CEP89: variants seen among roughly 807,000 people sequenced by gnomAD.
CEP89 encodes centrosomal protein 89, also known as centrosomal protein of 89 kDa.
In CEP89, 95 loss-of-function variants were observed where a neutral mutation model predicts 97.6. The ratio of observed to expected loss-of-function variants is 0.97; its 90% CI spans 0.82 to 1.15. CEP89 has a LOEUF of 1.15. Among genes scored for constraint, CEP89 ranks in the 50% most tolerant of loss-of-function variants. The probability of loss-of-function intolerance (pLI) is 0.00; values close to 1 mark genes in which losing one functional copy is unlikely to be tolerated. For synonymous variants in CEP89, 354 were observed against 349.1 expected (o/e 1.01, Z -0.16); for missense variants, 869 against 947.7 (o/e 0.92, Z 1.09).
intron 13 of CEP89, 93 bp downstream of exon 13, chr19:32,918,131 T>A: frequency 9.6e-7 from 1 of 1,041,556 alleles, no homozygotes; most frequent in South Asian, 1.4e-5. Flanking sequence ...CTTCTCTCAT[T>A]TTCAACTGGG....
Position 32,933,624 on chromosome 19 carries a change from T to G in CEP89, c.713A>C (p.Glu238Ala). The G allele has an allele frequency of 6.2e-7, 1 of 1,613,464 alleles. No homozygotes were observed. The highest frequency in any genetic ancestry group is 8.5e-7 in the Non-Finnish European group (1 of 1,179,378). Residue 238 changes from glutamate (E) to alanine (A), a missense_variant, in exon 8 of 19, where the codon GAA becomes GCA. Physicochemically the swap from Glu to Ala is moderately radical, Grantham distance 107. Coordinates refer to ENST00000305768, the MANE Select transcript of CEP89 (RefSeq NM_032816.5). ...ARQRYTEITREKFEALKEENM... is the reference protein window; with the variant it reads ...ARQRYTEITRAKFEALKEENM... Reference sequence around the variant, plus strand: ...TTCTTCTTTTAATGCCTCAAACTTTTCTCTGGTTATTTCTGTATATCTTTG... The same window carrying G: ...TTCTTCTTTTAATGCCTCAAACTTTGCTCTGGTTATTTCTGTATATCTTTG...
intron 6 of CEP89, among the ~76,000 whole-genome samples, chr19:32,939,141 C>T (rs1212499060): frequency 1.3e-5 from 2 of 152,022 alleles, no homozygotes; most frequent in African/African-American, 4.8e-5. Flanking sequence ...GTCCCAGCTA[C>T]TCAGGAGACT....
chr19:32,933,317 A>C, intron 8 of CEP89, 134 bp downstream of exon 8: 1 of 698,448 alleles, frequency 1.4e-6, no homozygotes, highest in Non-Finnish European at 2.4e-6. Context: ...AAACATAAGG[A>C]TATTAACAAA....
At chr19:32,937,510 G>T in intron 7 of CEP89, 121 bp downstream of exon 7, 1 of 823,984 alleles carries the variant, frequency 1.2e-6, no homozygotes, top group Non-Finnish European at 2.0e-6. Flanking sequence ...TTGAGGCAAG[G>T]GTGAAAGTTC....
At position 32,928,585 on chromosome 19, in the gene CEP89, G is replaced by A. The variant is rs114347433; in HGVS notation, c.1030-1601C>T. 1.9e-3 allele frequency among the ~76,000 whole-genome samples: 285 copies of A among 152,148 alleles called. 1 individual carries two copies. Among genetic ancestry groups the A allele is most frequent in the African/African-American group, 6.4e-3 (267 of 41,508 alleles). ...GGCTGGGCAGAACTCGAAGGTTCCC[G>A]GTGCTGTGTGAGCTCTGGGAACCAT... On this transcript the variant is annotated intron_variant, in intron 9 of 18. Transcript: ENST00000305768.
At chr19:32,892,414 T>C (rs1969549423) in intron 16 of CEP89, among the ~76,000 whole-genome samples, 2 of 151,410 alleles carry the variant, frequency 1.3e-5, no homozygotes, top group Non-Finnish European at 2.9e-5. Flanking sequence ...AGCAATTCTC[T>C]GGCCTTAGCC....
At chr19:32,934,207 A>G (rs1970534287) in intron 7 of CEP89, among the ~76,000 whole-genome samples, 1 of 152,074 alleles carries the variant, frequency 6.6e-6, no homozygotes, top group Admixed American at 6.5e-5. Context: ...ATGCTCCCCC[A>G]GATGAGGAGC....
chr19:32,889,192 A>G (rs530433770), intron 16 of CEP89, among the ~76,000 whole-genome samples: 121 of 152,294 alleles, frequency 7.9e-4, no homozygotes, highest in African/African-American at 2.8e-3. Context: ...GGACCTGGCT[A>G]GAGGGGCTGG....
chr19:32,904,673 C>T (rs576969467), intron 14 of CEP89, among the ~76,000 whole-genome samples: 1 of 151,376 alleles, frequency 6.6e-6, no homozygotes, highest in East Asian at 1.9e-4. Flanking sequence ...CTCACTGCAA[C>T]CTCCGCCTCC....
chr19:32,918,363 A>G (rs370398691), intron 12 of CEP89, 24 bp from the exon 13 acceptor site: 36 of 1,546,344 alleles, frequency 2.3e-5, no homozygotes, highest in South Asian at 1.4e-4. Context: ...ACAAGATGAA[A>G]TACTGTGATT....
At chr19:32,929,827 A>G (rs1467100408) in intron 9 of CEP89, among the ~76,000 whole-genome samples, 2 of 152,142 alleles carry the variant, frequency 1.3e-5, no homozygotes, top group Non-Finnish European at 2.9e-5. Context: ...AAAAGTTAGT[A>G]TTATGTTAAG....
At position 32,971,937 on chromosome 19, in the gene CEP89, G is replaced by T; in HGVS notation, c.-63C>A. On this transcript the variant is annotated 5_prime_UTR_variant, in exon 1 of 19. Transcript: ENST00000305768. ...CATCAGCAGATCTATCCACAGCCAGGGACCACTCCCTAAAGCCCGCCGCAG... is the reference window on the plus strand; with the variant it reads ...CATCAGCAGATCTATCCACAGCCAGTGACCACTCCCTAAAGCCCGCCGCAG... The T allele has an allele frequency of 6.5e-7, 1 of 1,540,206 alleles. No homozygotes were observed. Among genetic ancestry groups the T allele is most frequent in the South Asian group, 1.2e-5 (1 of 84,666 alleles).
chr19:32,897,538 C>T (rs530255212), intron 16 of CEP89, among the ~76,000 whole-genome samples: 3 of 152,220 alleles, frequency 2.0e-5, no homozygotes, highest in Admixed American at 6.5e-5. Flanking sequence ...GCTTAACTTC[C>T]CCCTTTGCAT....
At chr19:32,959,722 T>C (rs902195155) in intron 3 of CEP89, among the ~76,000 whole-genome samples, 178 bp downstream of exon 3, 2 of 152,200 alleles carry the variant, frequency 1.3e-5, no homozygotes, top group African/African-American at 4.8e-5. Context: ...CCATTTGACA[T>C]TGGTGATGAA....
At chr19:32,899,131 A>AT (rs1555788862) in intron 16 of CEP89, among the ~76,000 whole-genome samples, 14,957 of 143,094 alleles carry the variant, frequency 0.1, 977 homozygotes, top group East Asian at 0.24. Context: ...TTTAATTAGC[A>AT]TTTTTTTTTT....
At chr19:32,916,867 G>A (rs1303157856) in intron 13 of CEP89, among the ~76,000 whole-genome samples, 1 of 152,072 alleles carries the variant, frequency 6.6e-6, no homozygotes, top group Non-Finnish European at 1.5e-5. Context: ...AATTAGCCGG[G>A]AGTGGTGGCG....
intron 16 of CEP89, among the ~76,000 whole-genome samples, chr19:32,888,081 C>G (rs1451525019): frequency 1.3e-5 from 2 of 152,224 alleles, no homozygotes; most frequent in African/African-American, 4.8e-5. Context: ...TCCAGCCCCA[C>G]AGACCAGGGG....
chr19:32,951,863 T>G lies in CEP89; in HGVS notation c.492+1752A>C, dbSNP rs73035542. Among the ~76,000 whole-genome samples the G allele has an allele frequency of 2.0e-5, 3 of 152,264 alleles. No individual in the cohort carries two copies. The South Asian group carries it at 6.2e-4, about 32-fold the overall frequency. On this transcript the variant is annotated intron_variant, in intron 4 of 18. Coordinates refer to ENST00000305768, the MANE Select transcript of CEP89 (RefSeq NM_032816.5). ...GAAAGAGTCTCTGTAGGTCACTGTA[T>G]CTCTTTCTTCCAAGGGAAATATTGT...
chr19:32,932,451 G>A (rs1439279505), intron 8 of CEP89, among the ~76,000 whole-genome samples: 1 of 151,972 alleles, frequency 6.6e-6, no homozygotes, highest in Non-Finnish European at 1.5e-5. Context: ...GAAAATATTG[G>A]TGAATATTTA....
Sources: gnomAD v4.1 joint callset for allele counts (sites outside exome capture counted in the v4.1 genomes callset) on GRCh38, gnomAD v4.1.1 for gene constraint, MANE v1.5 for transcripts, NCBI Gene and HGNC (gene_info 2026-07-23, HGNC 2026-07-21) for gene names.